SIRT2: variants seen among roughly 807,000 people sequenced by gnomAD.
The protein encoded by SIRT2 is NAD-dependent protein deacetylase sirtuin-2.
A neutral mutation model predicts 57.4 loss-of-function variants in SIRT2; 40 were observed. The observed-to-expected ratio is 0.70, with a 90% CI of 0.54 to 0.91. The LOEUF is 0.91. Ranked by LOEUF, SIRT2 falls within the 40% of genes least tolerant of loss-of-function variation. The probability of loss-of-function intolerance (pLI) is 0.00; values close to 1 mark genes in which losing one functional copy is unlikely to be tolerated. For synonymous variants in SIRT2, 161 were observed against 195.7 expected, an observed-to-expected ratio of 0.82 and a Z score of 1.48; for missense variants, 439 against 510.4, an observed-to-expected ratio of 0.86 and a Z score of 1.35.
chr19:38,894,039 G>A lies in SIRT2; in HGVS notation c.64-172C>T, dbSNP rs573338131. The A allele has an allele frequency of 2.9e-5, 40 of 1,394,086 alleles. No individual in the cohort carries two copies. The Admixed American group carries it at 3.0e-4, about 11-fold the overall frequency. 86.4% of individuals were successfully genotyped at this position (1,394,086 alleles called of 1,614,324 possible). A position where few individuals can be genotyped will look rare whatever the true frequency, so the allele number is the denominator to read the frequency against. On this transcript the variant is annotated intron_variant, in intron 2 of 15. Coordinates refer to ENST00000249396, the MANE Select transcript of SIRT2 (RefSeq NM_012237.4). The stretch of plus-strand genomic sequence containing the variant: ...CTCCAGGGCTCTGGGACAGGCTGCC[G>A]GGGTTGGAGTCCTGGCCATGCCCGT...
chr19:38,897,256 G>A (rs779966655), intron 2 of SIRT2, among the ~76,000 whole-genome samples: 26 of 152,076 alleles, frequency 1.7e-4, no homozygotes, highest in Admixed American at 2.6e-4. Context: ...ATAACAAGCT[G>A]ACCACCACCA....
chr19:38,879,747 A>C (rs1359627070), intron 13 of SIRT2, 45 bp from the exon 14 acceptor site: 6 of 1,458,610 alleles, frequency 4.1e-6, no homozygotes, highest in Non-Finnish European at 5.6e-6. Flanking sequence ...GGGAAGGGAG[A>C]GCTAAGAGCA....
At chr19:38,898,235 G>C (rs905078891) in intron 2 of SIRT2, 144 bp downstream of exon 2, 2 of 487,436 alleles carry the variant, frequency 4.1e-6, no homozygotes, top group African/African-American at 4.0e-5. Context: ...CCTTTCCCCA[G>C]AAAGCTGCAC....
At chr19:38,894,105 TTTC>T in intron 2 of SIRT2, 1 of 748,748 alleles carries the variant, frequency 1.3e-6, no homozygotes. Flanking sequence ...TTGCTTTGCT[TTTC>T]TTTTTTGAGA....
At chr19:38,888,953 G>C (rs1365398340) in intron 8 of SIRT2, 134 bp downstream of exon 8, 6 of 741,180 alleles carry the variant, frequency 8.1e-6, no homozygotes, top group Non-Finnish European at 1.4e-5. Context: ...CAAGGAGGCA[G>C]TAGGCCAAGC....
chr19:38,885,931 G>C (rs1477322601), intron 8 of SIRT2, among the ~76,000 whole-genome samples: 1 of 152,068 alleles, frequency 6.6e-6, no homozygotes, highest in Non-Finnish European at 1.5e-5. Flanking sequence ...TATTAAACAG[G>C]TGGGAATGTT....
rs201164596 is a variant in SIRT2 at position 38,879,713 on chromosome 19, G to A, written c.877-11C>T. ...CAGGAAAGGGTCCGACTGTCAGGGA[G>A]GGGGTGGGTCAGGGGCAGGAGCAGG... On this transcript the variant is annotated splice_polypyrimidine_tract_variant and intron_variant, in intron 13 of 15. Coordinates refer to ENST00000249396, the MANE Select transcript of SIRT2 (RefSeq NM_012237.4). The A allele has an allele frequency of 1.9e-6, 3 of 1,560,050 alleles. No homozygotes were observed. Among genetic ancestry groups the A allele is most frequent in the Non-Finnish European group, 2.6e-6 (3 of 1,151,352 alleles).
intron 8 of SIRT2, among the ~76,000 whole-genome samples, chr19:38,885,592 A>ATT (rs35779731): frequency 0.15 from 18,375 of 122,386 alleles, 1,591 homozygotes; most frequent in Non-Finnish European, 0.18. Flanking sequence ...ATGCGTGGCT[A>ATT]TTTTTTTTTT....
At chr19:38,899,471 G>GCGGCC (rs1376727089) in intron 1 of SIRT2, 35 bp downstream of exon 1, 4 of 1,611,168 alleles carry the variant, frequency 2.5e-6, no homozygotes, top group East Asian at 2.2e-5. Flanking sequence ...AGGCCCCGGC[G>GCGGCC]CGGCCCGACC....
At position 38,880,803 on chromosome 19, in the gene SIRT2, C is replaced by T; in HGVS notation, c.824+18G>A. 6.2e-7 allele frequency: 1 copy of T among 1,613,638 alleles called. No individual in the cohort carries two copies. The highest frequency in any genetic ancestry group is 8.5e-7 in the Non-Finnish European group (1 of 1,179,824). ...CCTGGGTGCCCAGCCGTCCTCCCAGCCACAGCCCCCAACCTACTTGCTGAT... is the reference window on the plus strand; with the variant it reads ...CCTGGGTGCCCAGCCGTCCTCCCAGTCACAGCCCCCAACCTACTTGCTGAT... On this transcript the variant is annotated intron_variant, in intron 12 of 15. Transcript: ENST00000249396. The surrounding 1 kb of genome is among the most constrained non-coding windows in gnomAD (Gnocchi z 4.1).
At chr19:38,898,336 A>G in intron 2 of SIRT2, 43 bp downstream of exon 2, 2 of 1,395,804 alleles carry the variant, frequency 1.4e-6, no homozygotes, top group African/African-American at 1.4e-5. Context: ...GATGTGGAAC[A>G]AGTCCGTCTC....
rs760819880 is a variant in SIRT2 at position 38,879,699 on chromosome 19, C to T, written c.880G>A (p.Asp294Asn). ...LINKEKAGQS[D>N]PFLGMIMGLG... ...CCCATAATCATCCCCAGGAAAGGGTCCGACTGTCAGGGAGGGGGTGGGTCA... is the reference window on the plus strand; with the variant it reads ...CCCATAATCATCCCCAGGAAAGGGTTCGACTGTCAGGGAGGGGGTGGGTCA... The change falls in exon 14 of 16, where the codon GAC becomes AAC. Residue 294 changes from aspartate (D) to asparagine (N), a missense_variant. Asp to Asn is a conservative substitution (Grantham distance 23). Coordinates refer to ENST00000249396, the MANE Select transcript of SIRT2 (RefSeq NM_012237.4). The T allele has an allele frequency of 1.7e-5, 27 of 1,566,398 alleles. No individual in the cohort carries two copies. Among genetic ancestry groups the T allele is most frequent in the Non-Finnish European group, 2.3e-5 (27 of 1,155,104 alleles).
At chr19:38,881,186 C>A in intron 10 of SIRT2, 31 bp from the exon 11 acceptor site, 2 of 1,604,480 alleles carry the variant, frequency 1.2e-6, no homozygotes, top group Admixed American at 1.7e-5. Flanking sequence ...CGGACAGAGA[C>A]AGTGACATGG....
rs752345288 is a variant in SIRT2 at position 38,881,123 on chromosome 19, G to C, written c.724C>G (p.Arg242Gly). ...ACTGACTGCATACAGGAGAAGAAAC[G>C]CGCTGGGAGGCTCTCACCAAAAAAG... Reference protein sequence around the residue: ...IVFFGESLPARFFSCMQSDFL... With the variant: ...IVFFGESLPAGFFSCMQSDFL... Residue 242 changes from arginine to glycine, a missense_variant, in exon 11 of 16, where the codon CGT (arginine) becomes GGT (glycine). Arg to Gly is a moderately radical substitution (Grantham distance 125). Transcript: ENST00000249396. 1.2e-6 allele frequency: 2 copies of C among 1,613,334 alleles called. No homozygotes were observed. Among genetic ancestry groups the C allele is most frequent in the Admixed American group, 3.3e-5 (2 of 59,842 alleles).
chr19:38,890,208 C>T (rs895959883), intron 4 of SIRT2, 64 bp from the exon 5 acceptor site: 3 of 1,541,604 alleles, frequency 1.9e-6, no homozygotes, highest in East Asian at 2.3e-5. Flanking sequence ...TAGCACCACC[C>T]ATCACAGCCC....
Position 38,881,065 on chromosome 19 carries a change from G to A in SIRT2, c.747+35C>T, listed in dbSNP as rs146544643. The A allele has an allele frequency of 2.9e-4, 471 of 1,606,350 alleles. 1 individual carries two copies. In the East Asian group the frequency reaches 4.5e-3, roughly 15 times the overall value. ...GGGGCCCAGCACAGGTGGAGGCGGCGGTTGGGGATGCGGGGAGGCTGGGGG... is the reference window on the plus strand; with the variant it reads ...GGGGCCCAGCACAGGTGGAGGCGGCAGTTGGGGATGCGGGGAGGCTGGGGG... On this transcript the variant is annotated intron_variant, in intron 11 of 15. Coordinates refer to ENST00000249396, the MANE Select transcript of SIRT2 (RefSeq NM_012237.4).
At chr19:38,883,184 G>A (rs551453342) in intron 9 of SIRT2, among the ~76,000 whole-genome samples, 2 of 150,028 alleles carry the variant, frequency 1.3e-5, no homozygotes, top group African/African-American at 2.5e-5. Context: ...AGGTTCAAGC[G>A]ATTCTCCTGC....
At chr19:38,882,145 T>C (rs1973174036) in intron 9 of SIRT2, among the ~76,000 whole-genome samples, 1 of 151,726 alleles carries the variant, frequency 6.6e-6, no homozygotes, top group Non-Finnish European at 1.5e-5. Context: ...GCCTCCCGAG[T>C]AGCTGGGCTC....
intron 7 of SIRT2, 29 bp from the exon 8 acceptor site, chr19:38,889,184 C>T (rs199636127): frequency 1.9e-5 from 30 of 1,605,572 alleles, no homozygotes; most frequent in East Asian, 8.9e-5. Flanking sequence ...GCACTGCTGA[C>T]GACTGCAGGG....
Sources: gnomAD v4.1 joint callset for allele counts (sites outside exome capture counted in the v4.1 genomes callset) on GRCh38, gnomAD v4.1.1 for gene constraint, Gnocchi (gnomAD v3.1) non-coding constraint, MANE v1.5 for transcripts, NCBI Gene and HGNC (gene_info 2026-07-23, HGNC 2026-07-21) for gene names.